The following HMGA2 variants were observed in gnomAD, a reference collection of about 807,000 sequenced individuals.
The protein encoded by HMGA2 is high mobility group protein HMGI-C.
In HMGA2, 8 loss-of-function variants were observed where a neutral mutation model predicts 19.1. The ratio of observed to expected loss-of-function variants is 0.42; its 90% CI spans 0.25 to 0.76. The LOEUF is 0.76. Among genes scored for constraint, HMGA2 ranks in the 30% least tolerant of loss-of-function variants. The pLI, the probability that HMGA2 is intolerant of heterozygous loss-of-function variation, is 0.28. For synonymous variants in HMGA2, 60 were observed against 48.8 expected (o/e 1.23, Z -0.96); for missense variants, 109 against 136.3 (o/e 0.80, Z 1.00).
intron 2 of HMGA2, among the ~76,000 whole-genome samples, chr12:65,833,682 A>G (rs1188730952): frequency 6.6e-6 from 1 of 152,096 alleles, no homozygotes; most frequent in Non-Finnish European, 1.5e-5. Context: ...AAATTTTTGA[A>G]TGGCAGTTTT....
intron 3 of HMGA2, among the ~76,000 whole-genome samples, chr12:65,901,656 C>T (rs547265789): frequency 2.6e-5 from 4 of 152,268 alleles, no homozygotes; most frequent in East Asian, 3.9e-4. Flanking sequence ...ATTTACTAAA[C>T]ATTCCTTAAA....
chr12:65,835,114 G>A (rs999737171), intron 2 of HMGA2, among the ~76,000 whole-genome samples: 8 of 152,058 alleles, frequency 5.3e-5, no homozygotes, highest in African/African-American at 1.9e-4. Flanking sequence ...GTTATACATG[G>A]GTTTGTAGTA....
In HMGA2 at chr12:65,825,466, G is replaced by A. The variant is rs551165759; in HGVS notation, c.111+85G>A. 660 of 959,614 alleles carry A rather than the reference G, an allele frequency of 6.9e-4. 2 individuals carry two copies. The African/African-American group carries it at 0.01, about 15-fold the overall frequency. 59.4% of individuals were successfully genotyped at this position (959,614 alleles called of 1,614,324 possible). On this transcript the variant is annotated intron_variant, in intron 1 of 4. Coordinates refer to ENST00000403681, the MANE Select transcript of HMGA2 (RefSeq NM_003483.6). The surrounding 1 kb of genome is among the most constrained non-coding windows in gnomAD (Gnocchi z 4.4). ...ACACGCGCGGGGCGGCCGGAGTGCG[G>A]GAGCCCAGTCGCCGCGGCCGTCGCA...
intron 3 of HMGA2, among the ~76,000 whole-genome samples, chr12:65,900,558 G>A (rs558416222): frequency 6.6e-6 from 1 of 152,320 alleles, no homozygotes; most frequent in Admixed American, 6.5e-5. Flanking sequence ...GCAGCCTCTA[G>A]CCAAGGACCA....
intron 3 of HMGA2, among the ~76,000 whole-genome samples, chr12:65,902,164 G>A (rs896787639): frequency 6.6e-6 from 1 of 151,740 alleles, no homozygotes; most frequent in African/African-American, 2.4e-5. Context: ...CTACTTTTAA[G>A]AGTTTTTTTT....
At chr12:65,831,409 T>C (rs1400727839) in intron 2 of HMGA2, among the ~76,000 whole-genome samples, 1 of 80,436 alleles carries the variant, frequency 1.2e-5, no homozygotes, top group Non-Finnish European at 2.0e-5. Flanking sequence ...TTTTAGGAAG[T>C]TTTTTTCTGA....
chr12:65,882,033 C>T (rs2044738473), intron 3 of HMGA2: 6 of 651,520 alleles, frequency 9.2e-6, no homozygotes, highest in African/African-American at 3.5e-5. Context: ...TGGAGTTTTA[C>T]CTCCCAGTTG....
intron 4 of HMGA2, chr12:65,953,313 G>A (rs945645045): frequency 1.2e-4 from 18 of 152,150 alleles, no homozygotes; most frequent in Admixed American, 9.8e-4. Flanking sequence ...TGGGACACAC[G>A]GGGGATACAG....
At chr12:65,949,717 A>G (rs1876391384) in intron 3 of HMGA2, among the ~76,000 whole-genome samples, 1 of 152,238 alleles carries the variant, frequency 6.6e-6, no homozygotes, top group African/African-American at 2.4e-5. Flanking sequence ...CTACACATAC[A>G]ATAGATACAG....
intron 3 of HMGA2, chr12:65,881,523 ACCACT>A (rs1592417074): frequency 3.4e-6 from 2 of 581,732 alleles, no homozygotes; most frequent in Non-Finnish European, 6.1e-6. Flanking sequence ...AAAACAAAAA[ACCACT>A]CCAACAAATC....
intron 3 of HMGA2, among the ~76,000 whole-genome samples, chr12:65,884,739 T>A (rs1873584911): frequency 6.6e-6 from 1 of 152,228 alleles, no homozygotes. Flanking sequence ...ATTAGATTCA[T>A]CTGGATTAAT....
chr12:65,910,099 A>C (rs1874780122), intron 3 of HMGA2, among the ~76,000 whole-genome samples: 1 of 152,222 alleles, frequency 6.6e-6, no homozygotes, highest in Admixed American at 6.5e-5. Context: ...AAACTAGAGG[A>C]GCTAAAGACC....
chr12:65,870,528 C>T (rs1257390362), intron 3 of HMGA2, among the ~76,000 whole-genome samples: 3 of 151,820 alleles, frequency 2.0e-5, no homozygotes, highest in Admixed American at 6.6e-5. Flanking sequence ...GTCAGGAGTT[C>T]GAGACCAGCC....
Position 65,922,475 on chromosome 12 carries a change from T to C in HMGA2, c.250-28908T>C, listed in dbSNP as rs1325945556. Reference sequence around the variant, plus strand: ...CCTTTATTTTGGCCAATTTCTCCCATTTGGAATGGCTGTATTTACCCAATA... The same window carrying C: ...CCTTTATTTTGGCCAATTTCTCCCACTTGGAATGGCTGTATTTACCCAATA... On this transcript the variant is annotated intron_variant, in intron 3 of 4. Transcript: ENST00000403681. Among the ~76,000 whole-genome samples, 3 of 152,270 alleles carry C rather than the reference T, an allele frequency of 2.0e-5. No homozygotes were observed. The South Asian group carries it at 6.2e-4, about 32-fold the overall frequency.
chr12:65,828,986 G>T (rs1870356787), intron 2 of HMGA2: 2 of 152,136 alleles, frequency 1.3e-5, no homozygotes, highest in African/African-American at 4.8e-5. Context: ...TTTCTGCGTT[G>T]TATTTGTAGG....
intron 2 of HMGA2, 58 bp from the exon 3 acceptor site, chr12:65,838,461 C>A: frequency 1.6e-6 from 2 of 1,238,024 alleles, no homozygotes; most frequent in Non-Finnish European, 2.4e-6. Flanking sequence ...TCCCTTGGTG[C>A]AGTACTTATA....
intron 3 of HMGA2, among the ~76,000 whole-genome samples, chr12:65,915,748 C>T (rs1020204413): frequency 1.3e-5 from 2 of 152,092 alleles, no homozygotes; most frequent in Non-Finnish European, 2.9e-5. Flanking sequence ...TGTGGAGTTA[C>T]TCTTTGGGTT....
chr12:65,862,647 A>T (rs1324691720), intron 3 of HMGA2, among the ~76,000 whole-genome samples: 2 of 152,240 alleles, frequency 1.3e-5, no homozygotes, highest in African/African-American at 4.8e-5. Context: ...CACTTGGTGG[A>T]TGACCATGCA....
rs190900872 is a variant in HMGA2, at chr12:65,930,767, A to T, written c.250-20616A>T. Among the ~76,000 whole-genome samples, 68 of 152,330 alleles carry T rather than the reference A, an allele frequency of 4.5e-4. 1 individual carries two copies. Among genetic ancestry groups the T allele is most frequent in the African/African-American group, 1.6e-3 (66 of 41,576 alleles). ...ATTACGAGCTGACTTTGGAAAATTA[A>T]AATAGCATCAAGGTCCTACATTTTA... On this transcript the variant is annotated intron_variant, in intron 3 of 4. Coordinates refer to ENST00000403681, the MANE Select transcript of HMGA2 (RefSeq NM_003483.6).
Sources: gnomAD v4.1 joint callset for allele counts (sites outside exome capture counted in the v4.1 genomes callset) on GRCh38, gnomAD v4.1.1 for gene constraint, Gnocchi (gnomAD v3.1) non-coding constraint, MANE v1.5 for transcripts, NCBI Gene and HGNC (gene_info 2026-07-23, HGNC 2026-07-21) for gene names.